Variants in SETBP1 observed in about 807,000 individuals in gnomAD.
SETBP1 encodes SET binding protein 1.
SETBP1 carries 9 observed loss-of-function variants against 101.0 expected under a neutral mutation model. The observed-to-expected ratio is 0.09, with a 90% CI of 0.05 to 0.16. The LOEUF (loss-of-function observed/expected upper bound fraction) is 0.16, where lower values mean the gene tolerates loss of function less well. Among genes scored for constraint, SETBP1 ranks in the 10% least tolerant of loss-of-function variants. The pLI, the probability that SETBP1 is intolerant of heterozygous loss-of-function variation, is 1.00. For synonymous variants in SETBP1, 818 were observed against 788.5 expected, an observed-to-expected ratio of 1.04 and a Z score of -0.63; for missense variants, 1,858 against 2,033.8, an observed-to-expected ratio of 0.91 and a Z score of 1.66.
intron 2 of SETBP1, among the ~76,000 whole-genome samples, chr18:44,750,261 T>C (rs2070352090): frequency 6.6e-6 from 1 of 152,198 alleles, no homozygotes; most frequent in African/African-American, 2.4e-5. Flanking sequence ...TGGCAGTAGA[T>C]AGATTCAGTT....
chr18:44,741,353 G>A (rs987354790), intron 2 of SETBP1, among the ~76,000 whole-genome samples: 3 of 152,148 alleles, frequency 2.0e-5, no homozygotes, highest in Admixed American at 2.0e-4. Context: ...CCTGGGGGTG[G>A]GGATGGGGCT....
intron 2 of SETBP1, among the ~76,000 whole-genome samples, chr18:44,845,851 A>C (rs2072713938): frequency 6.6e-6 from 1 of 152,232 alleles, no homozygotes; most frequent in Non-Finnish European, 1.5e-5. Context: ...CGATGTAGAA[A>C]TTCTATCAAG....
At chr18:44,840,632 G>A (rs935419349) in intron 2 of SETBP1, among the ~76,000 whole-genome samples, 1 of 152,180 alleles carries the variant, frequency 6.6e-6, no homozygotes, top group African/African-American at 2.4e-5. Flanking sequence ...ACAGTGTCCA[G>A]GCATCTGGAG....
chr18:44,987,857 A>C (rs2145267830), intron 4 of SETBP1: 1 of 152,312 alleles, frequency 6.6e-6, no homozygotes, highest in East Asian at 1.9e-4. Context: ...ATTATATGTA[A>C]ATAGATCAAT....
At chr18:44,932,852 T>C (rs2070868969) in intron 3 of SETBP1, among the ~76,000 whole-genome samples, 1 of 152,202 alleles carries the variant, frequency 6.6e-6, no homozygotes, top group South Asian at 2.1e-4. Context: ...TGTCTAATCT[T>C]TTTTCAAGGT....
intron 2 of SETBP1, among the ~76,000 whole-genome samples, chr18:44,853,750 T>G (rs1301959518): frequency 1.3e-5 from 2 of 152,050 alleles, no homozygotes; most frequent in South Asian, 2.1e-4. Flanking sequence ...AATCCAGGAG[T>G]CTTAACCTCA....
rs1599512657 is a variant in SETBP1 at position 45,063,771 on chromosome 18, C to T, written c.*73C>T. 6.0e-6 allele frequency: 9 copies of T among 1,492,780 alleles called. No individual in the cohort carries two copies. Among genetic ancestry groups the T allele is most frequent in the Non-Finnish European group, 8.2e-6 (9 of 1,102,828 alleles). 92.5% of individuals were successfully genotyped at this position (1,492,780 alleles called of 1,614,324 possible). A position where few individuals can be genotyped will look rare whatever the true frequency, so the allele number is the denominator to read the frequency against. ...GAAGCGCAGTGAGCCGGGGCGGGGG[C>T]GGAATCCCCCGCTGCAGGGACACCC... On this transcript the variant is annotated 3_prime_UTR_variant, in exon 6 of 6. Transcript: ENST00000649279.
At chr18:45,043,595 T>C (rs1172610220) in intron 5 of SETBP1, among the ~76,000 whole-genome samples, 2 of 152,232 alleles carry the variant, frequency 1.3e-5, no homozygotes, top group East Asian at 1.9e-4. Context: ...TCAAACTATA[T>C]TATCTACCAT....
At chr18:44,680,555 G>C (rs971344660), upstream of SETBP1, among the ~76,000 whole-genome samples, 4 of 152,146 alleles carry the variant, frequency 2.6e-5, no homozygotes, top group Non-Finnish European at 5.9e-5. Context: ...GGCGGGAAGG[G>C]GGAGACCGGG....
chr18:44,681,669 TGA>T (rs1482978754), intron 1 of SETBP1, among the ~76,000 whole-genome samples: 3 of 151,918 alleles, frequency 2.0e-5, no homozygotes, highest in African/African-American at 7.3e-5. Flanking sequence ...CTAGAGGTAT[TGA>T]GAGTGTGGAA....
intron 2 of SETBP1, among the ~76,000 whole-genome samples, chr18:44,868,904 A>G (rs145089086): frequency 4.6e-5 from 7 of 152,288 alleles, no homozygotes; most frequent in Non-Finnish European, 1.0e-4. Flanking sequence ...ATTCACACAT[A>G]CTTACAATTT....
chr18:44,850,840 T>A (rs1327210977), intron 2 of SETBP1, among the ~76,000 whole-genome samples: 1 of 152,232 alleles, frequency 6.6e-6, no homozygotes, highest in Non-Finnish European at 1.5e-5. Context: ...TCACAGTAGA[T>A]GTTCATTCCA....
At chr18:44,931,973 C>T (rs2070845994) in intron 3 of SETBP1, among the ~76,000 whole-genome samples, 1 of 152,126 alleles carries the variant, frequency 6.6e-6, no homozygotes, top group Admixed American at 6.5e-5. Flanking sequence ...TGAATTTGAT[C>T]CCGTCATTAT....
chr18:44,914,659 G>T (rs1393373174), intron 3 of SETBP1, among the ~76,000 whole-genome samples: 1 of 152,150 alleles, frequency 6.6e-6, no homozygotes, highest in Admixed American at 6.6e-5. Flanking sequence ...GGATACCACT[G>T]GTTACACAGC....
chr18:44,811,835 G>A (rs980691838), intron 2 of SETBP1, among the ~76,000 whole-genome samples: 2 of 152,202 alleles, frequency 1.3e-5, no homozygotes, highest in Non-Finnish European at 2.9e-5. Flanking sequence ...ATCCCCCATA[G>A]AGATCAGAAT....
intron 2 of SETBP1, among the ~76,000 whole-genome samples, chr18:44,776,896 G>A (rs80294015): frequency 0.015 from 2,270 of 152,232 alleles, 24 homozygotes; most frequent in Admixed American, 0.022. Context: ...TTTGTCGCTG[G>A]GTGACTCAGT....
rs553771381 is a variant in SETBP1, at chr18:44,949,226, C to T, written c.541-655C>T. Among the ~76,000 whole-genome samples the T allele has an allele frequency of 9.9e-5, 15 of 152,278 alleles. No individual in the cohort carries two copies. In the East Asian group the frequency reaches 2.9e-3, roughly 29 times the overall value. The stretch of plus-strand genomic sequence containing the variant: ...CTCGATTGGCCCACTTTTTCCCATG[C>T]AGGCTTCATACTTCTCTCCTTAATT... On this transcript the variant is annotated intron_variant, in intron 3 of 5. Transcript: ENST00000649279.
Position 44,950,493 on chromosome 18 carries a change from C to A in SETBP1, c.1153C>A (p.Gln385Lys), listed in dbSNP as rs536826094. 1.9e-6 allele frequency: 3 copies of A among 1,614,008 alleles called. No individual in the cohort carries two copies. The highest frequency in any genetic ancestry group is 1.3e-5 in the African/African-American group (1 of 74,930). ...TGCCCAAGAGGCATCACCAGCCAGG[C>A]AGAACGTGAGTTCTGCCAGTAATCC... ...DSAQEASPAR[Q>K]NVSSASNPEN... The change falls in exon 4 of 6, where the codon CAG (glutamine) becomes AAG (lysine). Residue 385 changes from glutamine (Q) to lysine (K), a missense_variant. Physicochemically the swap from Gln to Lys is moderately conservative, Grantham distance 53. Coordinates refer to ENST00000649279, the MANE Select transcript of SETBP1 (RefSeq NM_015559.3).
At chr18:45,041,262 T>TG (rs1394199155) in intron 5 of SETBP1, among the ~76,000 whole-genome samples, 2 of 152,150 alleles carry the variant, frequency 1.3e-5, no homozygotes, top group East Asian at 3.9e-4. Flanking sequence ...CATAATTTGA[T>TG]GGGGTAGATA....
Sources: gnomAD v4.1 joint callset for allele counts (sites outside exome capture counted in the v4.1 genomes callset) on GRCh38, gnomAD v4.1.1 for gene constraint, MANE v1.5 for transcripts, NCBI Gene and HGNC (gene_info 2026-07-23, HGNC 2026-07-21) for gene names.